DHRS12: variants seen among roughly 807,000 people sequenced by gnomAD.
DHRS12 encodes dehydrogenase/reductase SDR family member 12.
In DHRS12, 29 loss-of-function variants were observed where a neutral mutation model predicts 32.1. That is an observed-to-expected ratio of 0.90 (90% confidence interval 0.67 to 1.23). The LOEUF (loss-of-function observed/expected upper bound fraction) is 1.23, where lower values mean the gene tolerates loss of function less well. Ranked by LOEUF, DHRS12 falls within the 50% of genes most tolerant of loss-of-function variation. The probability of loss-of-function intolerance (pLI) is 0.00; values close to 1 mark genes in which losing one functional copy is unlikely to be tolerated. For missense variants in DHRS12, 330 were observed against 337.2 expected (o/e 0.98, Z 0.17); for synonymous variants, 150 against 135.9 (o/e 1.10, Z -0.72).
chr13:51,769,067 G>A (rs1953885708), intron 8 of DHRS12, 89 bp downstream of exon 8: 1 of 1,537,416 alleles, frequency 6.5e-7, no homozygotes, highest in South Asian at 1.2e-5. Context: ...TCCCACCCCA[G>A]GTTTCACGGA....
chr13:51,770,369 C>A (rs141546605), intron 7 of DHRS12, among the ~76,000 whole-genome samples: 2 of 152,164 alleles, frequency 1.3e-5, no homozygotes, highest in African/African-American at 4.8e-5. Flanking sequence ...TAAACTGCAC[C>A]TTGACCCAGA....
At chr13:51,781,884 C>T (rs537400646) in intron 4 of DHRS12, among the ~76,000 whole-genome samples, 1 of 152,280 alleles carries the variant, frequency 6.6e-6, no homozygotes, top group South Asian at 2.1e-4. Context: ...ATGGAGGAAG[C>T]CTCTGTTCGG....
chr13:51,758,179 T>C, the DHRS12 span: 4 of 1,542,400 alleles, frequency 2.6e-6, no homozygotes, highest in South Asian at 4.8e-5. Context: ...GAAGCTTTCT[T>C]TGCTCCTTCT....
At chr13:51,781,376 A>G (rs1227365506) in intron 4 of DHRS12, among the ~76,000 whole-genome samples, 1 of 152,158 alleles carries the variant, frequency 6.6e-6, no homozygotes. Flanking sequence ...GCACTGAACA[A>G]GTATTTATCA....
chr13:51,756,369 A>T, the DHRS12 span: 1 of 1,613,944 alleles, frequency 6.2e-7, no homozygotes, highest in Admixed American at 1.7e-5. Flanking sequence ...GTCTGTGGCA[A>T]GTGCAGCTCC....
Position 51,769,296 on chromosome 13 carries a change from G to A in DHRS12, c.560-3C>T, listed in dbSNP as rs1186811153. The stretch of plus-strand genomic sequence containing the variant: ...CCCCGGCATCGCCTGCCTCACACCT[G>A]GGAGAAGGAAGGGTCAGGCGGATTA... On this transcript the variant is annotated splice_region_variant and splice_polypyrimidine_tract_variant and intron_variant, in intron 7 of 8. Coordinates refer to ENST00000444610, the MANE Select transcript of DHRS12 (RefSeq NM_001377533.1). 2 of 1,561,656 alleles carry A rather than the reference G, an allele frequency of 1.3e-6. No homozygotes were observed. The highest frequency in any genetic ancestry group is 1.7e-6 in the Non-Finnish European group (2 of 1,151,920).
chr13:51,796,633 G>A (rs1955522952), intron 2 of DHRS12, among the ~76,000 whole-genome samples: 1 of 152,176 alleles, frequency 6.6e-6, no homozygotes, highest in Non-Finnish European at 1.5e-5. Flanking sequence ...CCACACCACA[G>A]CAGGCTGGAA....
chr13:51,771,046 T>A, intron 7 of DHRS12: 3 of 1,431,994 alleles, frequency 2.1e-6, no homozygotes, highest in Non-Finnish European at 2.7e-6. Flanking sequence ...CAAAACCCCA[T>A]GGCCAGGCCC....
chr13:51,771,451 T>C (rs771202456), intron 7 of DHRS12: 1 of 1,614,208 alleles, frequency 6.2e-7, no homozygotes, highest in East Asian at 2.2e-5. Context: ...GGTGAGGCAG[T>C]CTGGGCCTCT....
chr13:51,790,580 T>A (rs929782104), intron 3 of DHRS12, among the ~76,000 whole-genome samples: 16 of 152,150 alleles, frequency 1.1e-4, no homozygotes, highest in African/African-American at 3.9e-4. Flanking sequence ...TTACACCACA[T>A]CTCAGTTTGG....
At chr13:51,779,563 C>T (rs1461757542) in intron 4 of DHRS12, among the ~76,000 whole-genome samples, 3 of 152,108 alleles carry the variant, frequency 2.0e-5, no homozygotes, top group Non-Finnish European at 2.9e-5. Flanking sequence ...ATATGTGACC[C>T]AGATGCAAGG....
At chr13:51,764,077 C>T (rs948625719), downstream of DHRS12, 7 of 152,270 alleles carry the variant, frequency 4.6e-5, no homozygotes, top group South Asian at 2.1e-4. Context: ...GGTACGAAGA[C>T]AGATATTTAT....
chr13:51,787,301 C>G (rs1030765399), intron 4 of DHRS12, among the ~76,000 whole-genome samples: 1 of 152,142 alleles, frequency 6.6e-6, no homozygotes, highest in African/African-American at 2.4e-5. Flanking sequence ...GTCTATCAAG[C>G]CTGTCCACAT....
downstream of DHRS12, chr13:51,765,447 A>AT (rs1206118614): frequency 6.6e-6 from 1 of 152,162 alleles, no homozygotes; most frequent in Non-Finnish European, 1.5e-5. Context: ...ATACCAGGGA[A>AT]TTTTTTTAAC....
intron 1 of DHRS12, 127 bp downstream of exon 1, chr13:51,803,927 G>C (rs1322086931): frequency 1.1e-6 from 1 of 903,628 alleles, no homozygotes; most frequent in Non-Finnish European, 1.5e-6. Context: ...CCGTCGTTCT[G>C]GACACGCTTA....
rs56270918 is a variant in DHRS12 at position 51,802,169 on chromosome 13, TCACACACACACACA to T, written c.-9+1871_-9+1884del. 3.5e-3 allele frequency among the ~76,000 whole-genome samples: 483 copies of T among 139,866 alleles called. 5 individuals carry two copies. The highest frequency in any genetic ancestry group is 9.9e-3 in the African/African-American group (366 of 37,046). The allele number at this position is 139,866 out of a possible 152,430, so 91.8% of individuals were successfully genotyped here. A position where few individuals can be genotyped will look rare whatever the true frequency, so the allele number is the denominator to read the frequency against. Reference sequence around the variant, plus strand: ...GTCTCTAGATATCAGTCTCTATTTTTCACACACACACACACACACACACACACACACACACACAC... The same window carrying T: ...GTCTCTAGATATCAGTCTCTATTTTTCACACACACACACACACACACACAC... On this transcript the variant is annotated intron_variant, in intron 1 of 8. Transcript: ENST00000444610.
downstream of DHRS12, chr13:51,767,545 T>G (rs1174587083): frequency 6.5e-6 from 1 of 152,698 alleles, no homozygotes; most frequent in Non-Finnish European, 1.5e-5. Flanking sequence ...CTAAATCTGC[T>G]CATTGGTTTT....
At chr13:51,767,727 G>A (rs536659189), downstream of DHRS12, 229 of 153,762 alleles carry the variant, frequency 1.5e-3, 2 homozygotes, top group Non-Finnish European at 2.4e-3. Flanking sequence ...CCTTGGTTAT[G>A]CTGTGCTTCT....
chr13:51,787,905 A>AATATATAATTATATATAATATATACTTAT (rs1244972469), intron 4 of DHRS12, among the ~76,000 whole-genome samples: 3 of 133,376 alleles, frequency 2.2e-5, no homozygotes, highest in Non-Finnish European at 3.1e-5. Context: ...TATATATAAA[A>AATATATAATTATATATAATATATACTTAT]ATATATAATT....
Sources: gnomAD v4.1 joint callset for allele counts (sites outside exome capture counted in the v4.1 genomes callset) on GRCh38, gnomAD v4.1.1 for gene constraint, MANE v1.5 for transcripts, NCBI Gene and HGNC (gene_info 2026-07-23, HGNC 2026-07-21) for gene names.